TNR: variants seen among roughly 807,000 people sequenced by gnomAD.
The protein encoded by TNR is tenascin-R.
Under a neutral mutation model 150.4 loss-of-function variants are expected in TNR, and 45 were observed. The ratio of observed to expected loss-of-function variants is 0.30; its 90% CI spans 0.24 to 0.38. The LOEUF (loss-of-function observed/expected upper bound fraction) is 0.38. TNR is among the 10% of genes least tolerant of loss of function. The probability of loss-of-function intolerance (pLI) is 1.00; values close to 1 mark genes in which losing one functional copy is unlikely to be tolerated. For synonymous variants in TNR, 687 were observed against 678.4 expected (o/e 1.01, Z -0.20); for missense variants, 1,544 against 1,759.1 (o/e 0.88, Z 2.19).
At chr1:175,396,828 G>A in intron 4 of TNR, 21 bp from the exon 5 acceptor site, 1 of 1,605,036 alleles carries the variant, frequency 6.2e-7, no homozygotes, top group Non-Finnish European at 8.5e-7. Flanking sequence ...GCAATACACA[G>A]ATAGCATGAG....
chr1:175,636,823 T>C (rs1275291409), intron 1 of TNR, among the ~76,000 whole-genome samples: 1 of 152,216 alleles, frequency 6.6e-6, no homozygotes, highest in Non-Finnish European at 1.5e-5. Flanking sequence ...CTTTACCTGA[T>C]GCCTCAGGCA....
At chr1:175,557,238 G>A (rs10913000) in intron 1 of TNR, among the ~76,000 whole-genome samples, 73,301 of 152,016 alleles carry the variant, frequency 0.48, 18,063 homozygotes, top group East Asian at 0.68. Flanking sequence ...GCAGCTTTCA[G>A]ATGAGACCCT....
chr1:175,415,722 C>G (rs1557919250), intron 2 of TNR, among the ~76,000 whole-genome samples: 1 of 152,126 alleles, frequency 6.6e-6, no homozygotes, highest in African/African-American at 2.4e-5. Flanking sequence ...CTTGTACTAC[C>G]TGGGAGAACT....
Position 175,362,765 on chromosome 1 carries a change from A to G in TNR, c.2752T>C (p.Phe918Leu). 1 of 1,614,112 alleles carries G rather than the reference A, an allele frequency of 6.2e-7. No individual in the cohort carries two copies. The highest frequency in any genetic ancestry group is 8.5e-7 in the Non-Finnish European group (1 of 1,179,992). Residue 918 changes from phenylalanine (F) to leucine (L), a missense_variant, in exon 14 of 23, where the codon TTC (phenylalanine) becomes CTC (leucine). By Grantham distance (22) the Phe-to-Leu change is conservative. Transcript: ENST00000367674. ...SSVVPNTVTE[F>L]TITRLNPATE... ...GCTGGGTTCAGTCTGGTGATGGTGA[A>G]TTCTGTCACAGTGTTGGGCACCACT...
chr1:175,340,302 T>C (rs923569877), intron 18 of TNR, among the ~76,000 whole-genome samples: 2 of 152,132 alleles, frequency 1.3e-5, no homozygotes, highest in African/African-American at 4.8e-5. Context: ...CTTTGACAAA[T>C]TGCAAGGCCA....
chr1:175,596,799 C>G (rs1044329743), intron 1 of TNR, among the ~76,000 whole-genome samples: 9 of 152,142 alleles, frequency 5.9e-5, no homozygotes, highest in African/African-American at 2.2e-4. Context: ...TAAAGCTCAG[C>G]CTTTTTGAAT....
chr1:175,424,189 C>T (rs1156808291), intron 2 of TNR, among the ~76,000 whole-genome samples: 2 of 152,192 alleles, frequency 1.3e-5, no homozygotes, highest in African/African-American at 2.4e-5. Flanking sequence ...AGTCCTTGGT[C>T]TTGCTATCTC....
At chr1:175,702,376 T>A (rs61808183) in intron 1 of TNR, among the ~76,000 whole-genome samples, 15,995 of 152,184 alleles carry the variant, frequency 0.11, 1,090 homozygotes, top group South Asian at 0.2. Flanking sequence ...TTCTTTGTGC[T>A]CCAAAGAAAG....
intron 8 of TNR, 76 bp from the exon 9 acceptor site, chr1:175,379,813 A>AC: frequency 6.6e-7 from 1 of 1,517,856 alleles, no homozygotes; most frequent in Non-Finnish European, 9.0e-7. Context: ...GAACTCTGAA[A>AC]AGATTGGTGG....
chr1:175,676,730 G>C (rs143478061), intron 1 of TNR, among the ~76,000 whole-genome samples: 3 of 152,106 alleles, frequency 2.0e-5, no homozygotes, highest in Admixed American at 6.5e-5. Context: ...TATTCCTTAC[G>C]TTGGTATGGG....
chr1:175,348,875 T>G (rs543644898), intron 18 of TNR, among the ~76,000 whole-genome samples: 1 of 152,168 alleles, frequency 6.6e-6, no homozygotes, highest in Non-Finnish European at 1.5e-5. Context: ...TTTCAAAAGC[T>G]CAAATAATAA....
chr1:175,438,878 T>C (rs910805472), intron 2 of TNR, among the ~76,000 whole-genome samples: 8 of 151,788 alleles, frequency 5.3e-5, no homozygotes, highest in African/African-American at 9.7e-5. Context: ...TAAAAGAGGA[T>C]ACAAACAAAT....
At chr1:175,707,202 A>C (rs1361052033) in intron 1 of TNR, among the ~76,000 whole-genome samples, 1 of 152,230 alleles carries the variant, frequency 6.6e-6, no homozygotes, top group Non-Finnish European at 1.5e-5. Context: ...TCCAGGTCTC[A>C]ATTCCAAACA....
chr1:175,647,958 A>G (rs1664854325), intron 1 of TNR, among the ~76,000 whole-genome samples: 1 of 152,060 alleles, frequency 6.6e-6, no homozygotes, highest in Admixed American at 6.6e-5. Flanking sequence ...GCTTTGGCTC[A>G]CCTTATTTCC....
chr1:175,504,144 A>C (rs1168647997), intron 2 of TNR, among the ~76,000 whole-genome samples: 1 of 152,142 alleles, frequency 6.6e-6, no homozygotes, highest in Non-Finnish European at 1.5e-5. Flanking sequence ...TCTAGAGTGA[A>C]AAATCTCCTT....
chr1:175,417,975 T>C (rs1039166165), intron 2 of TNR, among the ~76,000 whole-genome samples: 5 of 152,220 alleles, frequency 3.3e-5, no homozygotes, highest in Non-Finnish European at 5.9e-5. Flanking sequence ...GTGTACATTA[T>C]GTCTTTTAGA....
Position 175,318,543 on chromosome 1 carries a change from C to A in TNR, c.*4814G>T, listed in dbSNP as rs1648905047. 1 of 152,220 alleles carries A rather than the reference C, an allele frequency of 6.6e-6. No individual in the cohort carries two copies. Among genetic ancestry groups the A allele is most frequent in the Non-Finnish European group, 1.5e-5 (1 of 68,052 alleles). The allele number at this position is 152,220 out of a possible 1,614,324, so 9.4% of individuals were successfully genotyped here. ...TTTCATTTGGTCTGTGAGTTCTCAT[C>A]TGGACTGGTAGTGTCCAAATGACCC... is the stretch of plus-strand genomic sequence containing the variant. On this transcript the variant is annotated 3_prime_UTR_variant, in exon 23 of 23. Coordinates refer to ENST00000367674, the MANE Select transcript of TNR (RefSeq NM_003285.3).
chr1:175,492,529 C>A (rs1170840060), intron 2 of TNR, among the ~76,000 whole-genome samples: 1 of 152,162 alleles, frequency 6.6e-6, no homozygotes, highest in Admixed American at 6.5e-5. Context: ...GAAGCATACA[C>A]CTAGAAAACG....
chr1:175,502,162 A>T (rs1658764008), intron 2 of TNR, among the ~76,000 whole-genome samples: 1 of 152,140 alleles, frequency 6.6e-6, no homozygotes, highest in Non-Finnish European at 1.5e-5. Flanking sequence ...TTTAATCAGG[A>T]TGTCTGGGGT....
Sources: allele counts gnomAD v4.1 joint callset (sites outside exome capture counted in the v4.1 genomes callset), GRCh38; gene constraint gnomAD v4.1.1; transcripts MANE v1.5; gene names NCBI Gene and HGNC (gene_info 2026-07-23, HGNC 2026-07-21).